The following HSD17B6 variants were observed in gnomAD, a reference collection of about 807,000 sequenced individuals.
The protein encoded by HSD17B6 is 17-beta-hydroxysteroid dehydrogenase type 6.
In HSD17B6, 16 loss-of-function variants were observed where a neutral mutation model predicts 26.4. The observed-to-expected ratio is 0.61, with a 90% CI of 0.41 to 0.92. The LOEUF is 0.92. Among genes scored for constraint, HSD17B6 ranks in the 40% least tolerant of loss-of-function variants. The probability of loss-of-function intolerance (pLI) is 0.00; values close to 1 mark genes in which losing one functional copy is unlikely to be tolerated. For synonymous variants in HSD17B6, 139 were observed against 153.0 expected (o/e 0.91, Z 0.68); for missense variants, 357 against 386.1 (o/e 0.92, Z 0.63).
At chr12:56,767,751 G>GTA (rs907189214) in intron 1 of HSD17B6, among the ~76,000 whole-genome samples, 3 of 141,258 alleles carry the variant, frequency 2.1e-5, no homozygotes, top group African/African-American at 5.2e-5. Flanking sequence ...TTATATATAC[G>GTA]TATATATATG....
chr12:56,782,674 T>C (rs1321569220), intron 3 of HSD17B6, among the ~76,000 whole-genome samples: 2 of 151,626 alleles, frequency 1.3e-5, no homozygotes, highest in Non-Finnish European at 2.9e-5. Flanking sequence ...TTTTTTTTTT[T>C]TTTTTTATTG....
At chr12:56,766,866 C>T (rs1954340799) in intron 1 of HSD17B6, among the ~76,000 whole-genome samples, 1 of 152,160 alleles carries the variant, frequency 6.6e-6, no homozygotes, top group African/African-American at 2.4e-5. Context: ...GGGAGTAGAG[C>T]ATCTCAGAAG....
intron 2 of HSD17B6, among the ~76,000 whole-genome samples, chr12:56,779,663 C>T (rs962798390): frequency 1.3e-5 from 2 of 152,176 alleles, no homozygotes; most frequent in Non-Finnish European, 1.5e-5. Context: ...TTACCTTTCT[C>T]CTGAGTAATC....
intron 4 of HSD17B6, chr12:56,785,876 C>T (rs1243703870): frequency 2.3e-6 from 2 of 869,764 alleles, no homozygotes; most frequent in Non-Finnish European, 2.8e-6. Context: ...TGGGCCATTC[C>T]CTGAGGCTAT....
intron 1 of HSD17B6, among the ~76,000 whole-genome samples, chr12:56,763,935 G>A (rs539388875): frequency 4.0e-5 from 6 of 151,566 alleles, no homozygotes; most frequent in Admixed American, 3.9e-4. Flanking sequence ...TAGGTGTGGT[G>A]GTGCACACCT....
At position 56,774,088 on chromosome 12, in the gene HSD17B6, C is replaced by T. The variant is rs182493168; in HGVS notation, c.236C>T (p.Thr79Met). The change falls in exon 2 of 5, where the codon ACG becomes ATG. Residue 79 changes from threonine to methionine, a missense_variant. Thr to Met is a moderately conservative substitution (Grantham distance 81, BLOSUM62 -1). Coordinates refer to ENST00000322165, the MANE Select transcript of HSD17B6 (RefSeq NM_003725.4). ...LRGQTSDRLETVTLDVTKMES... is the reference protein window; with the variant it reads ...LRGQTSDRLEMVTLDVTKMES... ...GGCCAGACGTCTGACAGGCTGGAGA[C>T]GGTGACCCTGGATGTTACCAAGATG... 17 of 1,613,180 alleles carry T rather than the reference C, an allele frequency of 1.1e-5. No homozygotes were observed. Among genetic ancestry groups the T allele is most frequent in the African/African-American group, 4.0e-5 (3 of 75,048 alleles).
rs777997349 is a variant in HSD17B6 at position 56,787,345 on chromosome 12, A to G, written c.*3A>G. ...CCAAACCAGCCCAGGCAGTCTAAAG[A>G]AAACTGGGTTGGTGCTTCTTGGAAT... On this transcript the variant is annotated 3_prime_UTR_variant, in exon 5 of 5. Coordinates refer to ENST00000322165, the MANE Select transcript of HSD17B6 (RefSeq NM_003725.4). The G allele has an allele frequency of 3.7e-6, 6 of 1,604,116 alleles. No individual in the cohort carries two copies. The highest frequency in any genetic ancestry group is 1.1e-5 in the South Asian group (1 of 90,546).
At position 56,784,937 on chromosome 12, in the gene HSD17B6, C is replaced by G; in HGVS notation, c.657C>G (p.Ser219=). 6.2e-7 allele frequency: 1 copy of G among 1,613,956 alleles called. No individual in the cohort carries two copies. The change falls in exon 4 of 5, where the codon TCC becomes TCG. Residue 219 remains serine, a synonymous_variant. Coordinates refer to ENST00000322165, the MANE Select transcript of HSD17B6 (RefSeq NM_003725.4). ...CGGGAATGACAAACATGACACAGTC[C>G]TTAGAGCGAATGAAGCAAAGTTGGA... The part of the protein sequence containing the change: ...FRTGMTNMTQ[S]LERMKQSWKE...
intron 3 of HSD17B6, among the ~76,000 whole-genome samples, chr12:56,784,037 C>T (rs1298384499): frequency 9.3e-5 from 14 of 149,746 alleles, no homozygotes; most frequent in East Asian, 6.0e-4. Context: ...ACATCCCAGA[C>T]GGGGTGGCGG....
chr12:56,785,533 G>C (rs925437128), intron 4 of HSD17B6, among the ~76,000 whole-genome samples: 1 of 152,230 alleles, frequency 6.6e-6, no homozygotes, highest in Non-Finnish European at 1.5e-5. Context: ...GTGGTCTCAT[G>C]GTTGGCTTGG....
At chr12:56,786,330 A>G (rs1438700606) in intron 4 of HSD17B6, among the ~76,000 whole-genome samples, 1 of 149,050 alleles carries the variant, frequency 6.7e-6, no homozygotes, top group Non-Finnish European at 1.5e-5. Context: ...GCTCACTGCA[A>G]CCTCTGCCTC....
At chr12:56,776,196 G>T (rs1954588043) in intron 2 of HSD17B6, among the ~76,000 whole-genome samples, 1 of 152,078 alleles carries the variant, frequency 6.6e-6, no homozygotes, top group Admixed American at 6.6e-5. Flanking sequence ...AAAATGTTAG[G>T]ATTACAGGCG....
intron 3 of HSD17B6, among the ~76,000 whole-genome samples, chr12:56,783,320 GC>G (rs1226213194): frequency 8.3e-6 from 1 of 120,740 alleles, no homozygotes; most frequent in African/African-American, 3.1e-5. Context: ...GGGGGGCTGA[GC>G]CCCCCACCTC....
intron 1 of HSD17B6, among the ~76,000 whole-genome samples, chr12:56,764,088 AAAGAAGAAAG>A (rs1954269108): frequency 1.3e-5 from 2 of 148,640 alleles, no homozygotes; most frequent in African/African-American, 2.5e-5. Flanking sequence ...AAAAAAAAAA[AAAGAAGAAAG>A]AAAAAAAGAA....
chr12:56,781,311 G>A (rs1398188879), intron 2 of HSD17B6, among the ~76,000 whole-genome samples: 1 of 151,968 alleles, frequency 6.6e-6, no homozygotes, highest in Non-Finnish European at 1.5e-5. Flanking sequence ...GCCATAGTCT[G>A]TATATTTTTC....
At chr12:56,784,188 C>A in intron 3 of HSD17B6, among the ~76,000 whole-genome samples, 1 of 150,818 alleles carries the variant, frequency 6.6e-6, no homozygotes, top group Non-Finnish European at 1.5e-5. Context: ...TCCTCACTTT[C>A]CAGACTGGGC....
chr12:56,774,024 G>A lies in HSD17B6; in HGVS notation c.172G>A (p.Ala58Thr), dbSNP rs983637457. ...GGATGCACGAGGCTTGAGAGTGCTGGCTGCGTGTCTGACGGAGAAGGGGGC... is the reference window on the plus strand; with the variant it reads ...GGATGCACGAGGCTTGAGAGTGCTGACTGCGTGTCTGACGGAGAAGGGGGC... ...QLDARGLRVL[A>T]ACLTEKGAEQ... The change falls in exon 2 of 5, where the codon GCT (alanine) becomes ACT (threonine). Residue 58 changes from alanine to threonine, a missense_variant. Coordinates refer to ENST00000322165, the MANE Select transcript of HSD17B6 (RefSeq NM_003725.4). The A allele has an allele frequency of 3.7e-6, 6 of 1,614,032 alleles. No individual in the cohort carries two copies. In the Admixed American group the frequency reaches 5.0e-5, roughly 13 times the overall value.
intron 2 of HSD17B6, among the ~76,000 whole-genome samples, chr12:56,775,295 G>A (rs1954568076): frequency 6.6e-6 from 1 of 152,194 alleles, no homozygotes; most frequent in Admixed American, 6.5e-5. Context: ...ATAGCTCACT[G>A]CAGCCTTGAT....
intron 1 of HSD17B6, among the ~76,000 whole-genome samples, chr12:56,770,750 G>T (rs1565916712): frequency 6.6e-6 from 1 of 152,078 alleles, no homozygotes; most frequent in Non-Finnish European, 1.5e-5. Flanking sequence ...GATAAACCCA[G>T]GCCACAATGG....
Sources: allele counts gnomAD v4.1 joint callset (sites outside exome capture counted in the v4.1 genomes callset), GRCh38; gene constraint gnomAD v4.1.1; transcripts MANE v1.5; gene names NCBI Gene and HGNC (gene_info 2026-07-23, HGNC 2026-07-21).